WDR72: variants seen among roughly 807,000 people sequenced by gnomAD.
WDR72 encodes the protein WD repeat-containing protein 72.
In WDR72, 120 loss-of-function variants were observed where a neutral mutation model predicts 124.2. That is an observed-to-expected ratio of 0.97 (90% CI 0.83 to 1.12). The LOEUF (loss-of-function observed/expected upper bound fraction) is 1.12, where lower values mean the gene tolerates loss of function less well. Among genes scored for constraint, WDR72 ranks in the 50% most tolerant of loss-of-function variants. The probability of loss-of-function intolerance (pLI) is 0.00; values close to 1 mark genes in which losing one functional copy is unlikely to be tolerated. For synonymous variants in WDR72, 452 were observed against 441.7 expected (o/e 1.02, Z -0.29); for missense variants, 1,387 against 1,278.8 (o/e 1.08, Z -1.29).
At chr15:53,667,008 A>C (rs2015801548) in intron 13 of WDR72, among the ~76,000 whole-genome samples, 1 of 152,160 alleles carries the variant, frequency 6.6e-6, no homozygotes, top group Admixed American at 6.6e-5. Flanking sequence ...CATCCTTATC[A>C]TACAAGCTTA....
At chr15:53,717,990 A>C (rs1027750897) in intron 3 of WDR72, among the ~76,000 whole-genome samples, 2 of 152,124 alleles carry the variant, frequency 1.3e-5, no homozygotes, top group Admixed American at 6.6e-5. Flanking sequence ...AAAGGGAAAC[A>C]AACTAATAAT....
intron 18 of WDR72, among the ~76,000 whole-genome samples, chr15:53,554,782 ACACACTT>A (rs1264022710): frequency 6.6e-6 from 1 of 152,164 alleles, no homozygotes; most frequent in East Asian, 1.9e-4. Context: ...TGTCCCGTCT[ACACACTT>A]CACATTTATT....
At chr15:53,640,733 T>C (rs2014815864) in intron 14 of WDR72, among the ~76,000 whole-genome samples, 1 of 152,134 alleles carries the variant, frequency 6.6e-6, no homozygotes, top group African/African-American at 2.4e-5. Context: ...TTTTAATATT[T>C]GTTAATAATA....
intron 14 of WDR72, among the ~76,000 whole-genome samples, chr15:53,643,080 A>G (rs1255100310): frequency 6.6e-6 from 1 of 152,136 alleles, no homozygotes; most frequent in African/African-American, 2.4e-5. Flanking sequence ...CTAAAGTAGA[A>G]AATACCAGTT....
At position 53,572,321 on chromosome 15, in the gene WDR72, CCT is replaced by C. The variant is rs199720392; in HGVS notation, c.3148+24756_3148+24757del. 6.1e-3 allele frequency among the ~76,000 whole-genome samples: 930 copies of C among 152,076 alleles called. 8 individuals carry two copies. Among genetic ancestry groups the C allele is most frequent in the African/African-American group, 0.019 (794 of 41,470 alleles). On this transcript the variant is annotated intron_variant, in intron 18 of 19. Coordinates refer to ENST00000360509, the MANE Select transcript of WDR72 (RefSeq NM_182758.4). ...CAGACCAGTAACATGCAGCTTTCCC[CCT>C]GTTTTCTTCTAGCAGTTTTAGAGTT...
chr15:53,531,903 A>G (rs75776097), intron 18 of WDR72, among the ~76,000 whole-genome samples: 1 of 152,186 alleles, frequency 6.6e-6, no homozygotes, highest in East Asian at 1.9e-4. Flanking sequence ...CTAAGACACT[A>G]AGGGTTCTTG....
intron 13 of WDR72, among the ~76,000 whole-genome samples, chr15:53,688,406 T>C (rs1337270944): frequency 6.7e-6 from 1 of 149,020 alleles, no homozygotes; most frequent in East Asian, 2.0e-4. Flanking sequence ...ACAAGCATTC[T>C]TATACACCAA....
intron 1 of WDR72, among the ~76,000 whole-genome samples, chr15:53,734,676 G>C (rs777064109): frequency 6.6e-6 from 1 of 152,008 alleles, no homozygotes; most frequent in Non-Finnish European, 1.5e-5. Context: ...GTAAGGATAG[G>C]AAGCAAAACT....
intron 18 of WDR72, among the ~76,000 whole-genome samples, chr15:53,561,146 C>T (rs1434869292): frequency 6.6e-6 from 1 of 151,768 alleles, no homozygotes; most frequent in East Asian, 1.9e-4. Flanking sequence ...ATAAATGAGA[C>T]AACTGGTGTA....
At chr15:53,717,262 T>C (rs1003620745) in intron 3 of WDR72, among the ~76,000 whole-genome samples, 1 of 152,150 alleles carries the variant, frequency 6.6e-6, no homozygotes, top group Non-Finnish European at 1.5e-5. Flanking sequence ...TACAAAGACA[T>C]AGTTTTAAAA....
intron 1 of WDR72, among the ~76,000 whole-genome samples, chr15:53,752,804 C>T (rs1393955025): frequency 6.6e-6 from 1 of 152,118 alleles, no homozygotes; most frequent in Non-Finnish European, 1.5e-5. Flanking sequence ...CACAATTGGT[C>T]ATATACCAAA....
intron 18 of WDR72, among the ~76,000 whole-genome samples, chr15:53,559,550 G>T (rs185480586): frequency 6.6e-6 from 1 of 151,942 alleles, no homozygotes; most frequent in Non-Finnish European, 1.5e-5. Context: ...TACCATAATA[G>T]CTCTATTCGG....
At position 53,665,911 on chromosome 15, in the gene WDR72, A is replaced by C. The variant is rs571187464; in HGVS notation, c.1766-143T>G. On this transcript the variant is annotated intron_variant, in intron 13 of 19. Transcript: ENST00000360509. Reference sequence around the variant, plus strand: ...TCTTGCAACTGAAAAATAGCCTGGGAGCTTTTCCTAAATTATTCAAAACAC... The same window carrying C: ...TCTTGCAACTGAAAAATAGCCTGGGCGCTTTTCCTAAATTATTCAAAACAC... 230 of 781,384 alleles carry C rather than the reference A, an allele frequency of 2.9e-4. 3 individuals carry two copies. In the South Asian group the frequency reaches 3.5e-3, roughly 12 times the overall value. 48.4% of individuals were successfully genotyped at this position (781,384 alleles called of 1,614,324 possible).
At chr15:53,671,475 G>GT (rs2015987162) in intron 13 of WDR72, among the ~76,000 whole-genome samples, 1 of 152,152 alleles carries the variant, frequency 6.6e-6, no homozygotes, top group Admixed American at 6.5e-5. Flanking sequence ...TTTTTGGCAA[G>GT]TATGTGTTCC....
intron 13 of WDR72, among the ~76,000 whole-genome samples, chr15:53,696,961 C>T (rs899059018): frequency 2.0e-5 from 3 of 152,240 alleles, no homozygotes; most frequent in East Asian, 1.9e-4. Flanking sequence ...TGAAGAGGCA[C>T]GTCACAAATG....
At chr15:53,749,831 C>A (rs1020801749) in intron 1 of WDR72, among the ~76,000 whole-genome samples, 7 of 152,180 alleles carry the variant, frequency 4.6e-5, no homozygotes, top group African/African-American at 1.7e-4. Context: ...CCATCCACAA[C>A]ATTCCCTTAA....
At chr15:53,711,114 G>A (rs1030445829) in intron 8 of WDR72, among the ~76,000 whole-genome samples, 161 bp from the exon 9 acceptor site, 4 of 152,198 alleles carry the variant, frequency 2.6e-5, no homozygotes, top group African/African-American at 9.7e-5. Context: ...TGAAAACCCA[G>A]CACCAGCTGT....
intron 13 of WDR72, among the ~76,000 whole-genome samples, chr15:53,689,371 A>G (rs2140499618): frequency 6.7e-6 from 1 of 149,914 alleles, no homozygotes; most frequent in Admixed American, 6.6e-5. Context: ...ATTTACAAGA[A>G]AAAAACAAAC....
At chr15:53,705,582 C>T (rs2017328702) in intron 10 of WDR72, among the ~76,000 whole-genome samples, 1 of 152,146 alleles carries the variant, frequency 6.6e-6, no homozygotes. Flanking sequence ...CCTGCCTCAG[C>T]CTCCTGAGTA....
Sources: gnomAD v4.1 joint callset for allele counts (sites outside exome capture counted in the v4.1 genomes callset) on GRCh38, gnomAD v4.1.1 for gene constraint, MANE v1.5 for transcripts, NCBI Gene and HGNC (gene_info 2026-07-23, HGNC 2026-07-21) for gene names.